Variants in DPY19L1 observed in about 807,000 individuals in gnomAD.
The protein encoded by DPY19L1 is protein C-mannosyl-transferase DPY19L1.
Under a neutral mutation model 96.9 loss-of-function variants are expected in DPY19L1, and 35 were observed. That is an observed-to-expected ratio of 0.36 (90% CI 0.28 to 0.48). The LOEUF (loss-of-function observed/expected upper bound fraction) is 0.48. Among genes scored for constraint, DPY19L1 ranks in the 20% least tolerant of loss-of-function variants. The probability of loss-of-function intolerance (pLI) is 0.99; values close to 1 mark genes in which losing one functional copy is unlikely to be tolerated. For synonymous variants in DPY19L1, 205 were observed against 252.6 expected (o/e 0.81, Z 1.79); for missense variants, 521 against 777.9 (o/e 0.67, Z 3.93).
chr7:34,951,622 T>C (rs1784267885), intron 13 of DPY19L1, among the ~76,000 whole-genome samples: 1 of 151,906 alleles, frequency 6.6e-6, no homozygotes, highest in South Asian at 2.1e-4. Flanking sequence ...ACAACAGAGC[T>C]AAGTATTTCC....
At chr7:35,004,584 T>A (rs1785507890) in intron 6 of DPY19L1, among the ~76,000 whole-genome samples, 1 of 152,240 alleles carries the variant, frequency 6.6e-6, no homozygotes, top group Non-Finnish European at 1.5e-5. Context: ...GTATTCATTT[T>A]ACTAATCTTT....
At chr7:35,034,797 CT>C (rs950675762) in intron 1 of DPY19L1, among the ~76,000 whole-genome samples, 1 of 152,246 alleles carries the variant, frequency 6.6e-6, no homozygotes, top group African/African-American at 2.4e-5. Flanking sequence ...TATAATTGTT[CT>C]TTTTTTGATC....
chr7:34,934,596 G>A (rs1783826368), intron 21 of DPY19L1, among the ~76,000 whole-genome samples: 1 of 152,160 alleles, frequency 6.6e-6, no homozygotes, highest in Non-Finnish European at 1.5e-5. Context: ...CCAGGGACTG[G>A]TTTCCTGCAA....
intron 16 of DPY19L1, among the ~76,000 whole-genome samples, chr7:34,945,156 G>T (rs1784116357): frequency 6.6e-6 from 1 of 151,966 alleles, no homozygotes; most frequent in African/African-American, 2.4e-5. Flanking sequence ...TAAGACAAAG[G>T]GTGTGATGGT....
At chr7:34,982,445 A>G (rs1446243108) in intron 7 of DPY19L1, among the ~76,000 whole-genome samples, 1 of 152,222 alleles carries the variant, frequency 6.6e-6, no homozygotes, top group Non-Finnish European at 1.5e-5. Flanking sequence ...AAACTGGTAA[A>G]TGAAACTGAA....
chr7:35,002,332 G>A (rs1490276581), intron 6 of DPY19L1, among the ~76,000 whole-genome samples: 1 of 151,728 alleles, frequency 6.6e-6, no homozygotes, highest in Non-Finnish European at 1.5e-5. Flanking sequence ...GAAATTAAAA[G>A]CATGATAATG....
chr7:35,015,591 C>G (rs1785826865), intron 3 of DPY19L1, among the ~76,000 whole-genome samples: 1 of 152,234 alleles, frequency 6.6e-6, no homozygotes, highest in South Asian at 2.1e-4. Flanking sequence ...GGGAGGAATC[C>G]TCAGTTCCAG....
chr7:34,972,044 G>A (rs1270411489), intron 8 of DPY19L1, among the ~76,000 whole-genome samples: 1 of 152,186 alleles, frequency 6.6e-6, no homozygotes, highest in Non-Finnish European at 1.5e-5. Flanking sequence ...GGAGTGAACT[G>A]ACAAAGAAGG....
intron 1 of DPY19L1, among the ~76,000 whole-genome samples, chr7:35,032,598 C>T (rs1482217169): frequency 6.6e-6 from 1 of 152,116 alleles, no homozygotes; most frequent in African/African-American, 2.4e-5. Context: ...TACATCTCCA[C>T]TCAGACCTTT....
intron 9 of DPY19L1, among the ~76,000 whole-genome samples, chr7:34,968,063 G>A (rs1159631454): frequency 6.6e-6 from 1 of 151,968 alleles, no homozygotes. Flanking sequence ...CAAGGGCTAA[G>A]CAACACACAG....
Position 35,002,050 on chromosome 7 carries a change from C to G in DPY19L1, c.764+8418G>C, listed in dbSNP as rs372428503. Among the ~76,000 whole-genome samples the G allele has an allele frequency of 9.9e-5, 15 of 150,998 alleles. No individual in the cohort carries two copies. The East Asian group carries it at 2.1e-3, about 22-fold the overall frequency. On this transcript the variant is annotated intron_variant, in intron 6 of 21. Coordinates refer to ENST00000638088, the MANE Select transcript of DPY19L1 (RefSeq NM_001366673.1). ...TGAAGCAAGAAAAAATTGCTTGAACCCAGGAGGCCAAGGTTGCAGTGAGTC... is the reference window on the plus strand; with the variant it reads ...TGAAGCAAGAAAAAATTGCTTGAACGCAGGAGGCCAAGGTTGCAGTGAGTC...
At chr7:34,975,699 C>A (rs925457079) in intron 7 of DPY19L1, among the ~76,000 whole-genome samples, 1 of 152,194 alleles carries the variant, frequency 6.6e-6, no homozygotes, top group Admixed American at 6.5e-5. Context: ...AAAGGACAGG[C>A]TGACTCTCTT....
At chr7:34,933,131 G>T (rs1238381328) in intron 21 of DPY19L1, among the ~76,000 whole-genome samples, 1 of 151,574 alleles carries the variant, frequency 6.6e-6, no homozygotes, top group Non-Finnish European at 1.5e-5. Context: ...TATCCTGCTG[G>T]ACCTTTTTAA....
intron 8 of DPY19L1, among the ~76,000 whole-genome samples, chr7:34,972,547 G>A (rs893306426): frequency 6.6e-6 from 1 of 152,018 alleles, no homozygotes; most frequent in Non-Finnish European, 1.5e-5. Flanking sequence ...AAAAAGCCAC[G>A]GTCAAGAATG....
At chr7:34,951,341 T>C (rs1252405358) in intron 13 of DPY19L1, among the ~76,000 whole-genome samples, 1 of 151,496 alleles carries the variant, frequency 6.6e-6, no homozygotes, top group Non-Finnish European at 1.5e-5. Flanking sequence ...ATACACATTA[T>C]CCTTGAACAC....
chr7:35,006,518 G>T (rs1335074689), intron 6 of DPY19L1, among the ~76,000 whole-genome samples: 2 of 152,074 alleles, frequency 1.3e-5, no homozygotes, highest in Non-Finnish European at 2.9e-5. Flanking sequence ...CACACACTGG[G>T]TCTTAAGAAA....
At chr7:34,937,033 G>C (rs910024510) in intron 21 of DPY19L1, among the ~76,000 whole-genome samples, 2 of 152,154 alleles carry the variant, frequency 1.3e-5, no homozygotes, top group African/African-American at 4.8e-5. Context: ...TTCCTGTACT[G>C]TGCTCTTCAT....
intron 18 of DPY19L1, 28 bp from the exon 19 acceptor site, chr7:34,940,355 A>G (rs755832540): frequency 1.3e-6 from 2 of 1,592,180 alleles, no homozygotes; most frequent in South Asian, 2.3e-5. Context: ...ATACATTGGT[A>G]ATTGTTAGTA....
intron 10 of DPY19L1, among the ~76,000 whole-genome samples, chr7:34,959,589 T>C (rs1466908562): frequency 6.6e-6 from 1 of 151,780 alleles, no homozygotes; most frequent in Non-Finnish European, 1.5e-5. Flanking sequence ...CTGGAAGCCA[T>C]AACTGTCAGC....
Sources: allele counts gnomAD v4.1 joint callset (sites outside exome capture counted in the v4.1 genomes callset), GRCh38; gene constraint gnomAD v4.1.1; transcripts MANE v1.5; gene names NCBI Gene and HGNC (gene_info 2026-07-23, HGNC 2026-07-21).